Variants in SLC10A7 observed in about 807,000 individuals in gnomAD.
SLC10A7 encodes the protein solute carrier family 10 member 7, also known as sodium/bile acid cotransporter 7.
SLC10A7 carries 29 observed loss-of-function variants against 43.2 expected under a neutral mutation model. The ratio of observed to expected loss-of-function variants is 0.67; its 90% CI spans 0.50 to 0.92. SLC10A7 has a LOEUF of 0.92. Among genes scored for constraint, SLC10A7 ranks in the 40% least tolerant of loss-of-function variants. The probability of loss-of-function intolerance (pLI) is 0.00; values close to 1 mark genes in which losing one functional copy is unlikely to be tolerated. For missense variants in SLC10A7, 295 were observed against 403.2 expected (o/e 0.73, Z 2.30); for synonymous variants, 152 against 144.8 (o/e 1.05, Z -0.35).
chr4:146,326,955 CA>C (rs1733165676), intron 5 of SLC10A7, among the ~76,000 whole-genome samples: 2 of 96,448 alleles, frequency 2.1e-5, no homozygotes, highest in Non-Finnish European at 3.8e-5. Context: ...CACACACACA[CA>C]CACACACACA....
chr4:146,313,838 A>G (rs920336162), intron 6 of SLC10A7, among the ~76,000 whole-genome samples: 6 of 152,124 alleles, frequency 3.9e-5, no homozygotes, highest in African/African-American at 1.2e-4. Flanking sequence ...TTAGCAGTCA[A>G]TTTCTTCTCT....
chr4:146,313,508 G>A (rs988388364), intron 6 of SLC10A7, among the ~76,000 whole-genome samples: 2 of 152,120 alleles, frequency 1.3e-5, no homozygotes, highest in Non-Finnish European at 2.9e-5. Flanking sequence ...TGAAGCAACT[G>A]AGACAATCAG....
At chr4:146,479,289 A>G (rs891843532) in intron 4 of SLC10A7, among the ~76,000 whole-genome samples, 2 of 152,216 alleles carry the variant, frequency 1.3e-5, no homozygotes, top group Non-Finnish European at 2.9e-5. Context: ...CAAAGCATAT[A>G]GCTATATTGT....
intron 4 of SLC10A7, among the ~76,000 whole-genome samples, chr4:146,450,027 C>T (rs781143118): frequency 9.9e-5 from 15 of 151,984 alleles, no homozygotes; most frequent in Non-Finnish European, 2.2e-4. Context: ...GGTATATAAT[C>T]CTTACATTCA....
intron 5 of SLC10A7, among the ~76,000 whole-genome samples, chr4:146,351,140 T>A (rs1052045230): frequency 3.5e-4 from 53 of 150,586 alleles, no homozygotes; most frequent in Admixed American, 6.6e-4. Context: ...TTGAAAAAAA[T>A]TTAGAAGAAT....
At chr4:146,506,480 G>A (rs1343773143) in intron 3 of SLC10A7, among the ~76,000 whole-genome samples, 1 of 152,076 alleles carries the variant, frequency 6.6e-6, no homozygotes, top group Non-Finnish European at 1.5e-5. Flanking sequence ...ACTCACTTTT[G>A]ACCTTTAAAG....
intron 5 of SLC10A7, chr4:146,442,271 T>A (rs1319687546): frequency 1.1e-5 from 11 of 975,088 alleles, no homozygotes; most frequent in Non-Finnish European, 1.2e-5. Context: ...AACATTTACT[T>A]GCAAATTACT....
At chr4:146,356,067 T>TATAC (rs1560830035) in intron 5 of SLC10A7, among the ~76,000 whole-genome samples, 2 of 143,354 alleles carry the variant, frequency 1.4e-5, no homozygotes, top group Non-Finnish European at 3.1e-5. Flanking sequence ...TATATATATA[T>TATAC]ACATATATAT....
chr4:146,381,352 A>G (rs1015642529), intron 5 of SLC10A7, among the ~76,000 whole-genome samples: 1 of 151,914 alleles, frequency 6.6e-6, no homozygotes, highest in African/African-American at 2.4e-5. Context: ...CTGTTTAGGA[A>G]CCCTCCCCTC....
intron 5 of SLC10A7, among the ~76,000 whole-genome samples, chr4:146,431,938 T>C (rs1729808338): frequency 6.6e-6 from 1 of 152,190 alleles, no homozygotes; most frequent in Non-Finnish European, 1.5e-5. Context: ...AACTTGCACC[T>C]AATTATAAGA....
chr4:146,363,388 G>A (rs1736184647), intron 5 of SLC10A7, among the ~76,000 whole-genome samples: 1 of 152,056 alleles, frequency 6.6e-6, no homozygotes, highest in Non-Finnish European at 1.5e-5. Context: ...GCTAAAGAGA[G>A]AGAGAGACCC....
intron 5 of SLC10A7, among the ~76,000 whole-genome samples, chr4:146,419,973 A>G (rs73852843): frequency 0.017 from 2,569 of 152,310 alleles, 83 homozygotes; most frequent in African/African-American, 0.059. Context: ...CATAATGAAT[A>G]CTAACGAACA....
At chr4:146,473,891 A>G (rs1733809819) in intron 4 of SLC10A7, among the ~76,000 whole-genome samples, 1 of 152,092 alleles carries the variant, frequency 6.6e-6, no homozygotes, top group Non-Finnish European at 1.5e-5. Flanking sequence ...ATACATTCTA[A>G]TAATTAACCA....
At chr4:146,351,536 G>A (rs1355484123) in intron 5 of SLC10A7, among the ~76,000 whole-genome samples, 1 of 149,674 alleles carries the variant, frequency 6.7e-6, no homozygotes, top group Admixed American at 6.6e-5. Context: ...TACAGAGAAT[G>A]CCACAAAGAT....
At chr4:146,314,524 GATAGA>G (rs1732192592) in intron 6 of SLC10A7, among the ~76,000 whole-genome samples, 1 of 152,144 alleles carries the variant, frequency 6.6e-6, no homozygotes, top group African/African-American at 2.4e-5. Context: ...AAAACCAGTT[GATAGA>G]ATAGAAGAGC....
At chr4:146,362,844 A>C (rs1353049025) in intron 5 of SLC10A7, among the ~76,000 whole-genome samples, 3 of 152,094 alleles carry the variant, frequency 2.0e-5, no homozygotes, top group African/African-American at 7.2e-5. Flanking sequence ...CTAAACACAA[A>C]GCAAAAATCT....
chr4:146,364,140 A>C, intron 5 of SLC10A7, among the ~76,000 whole-genome samples: 1 of 138,686 alleles, frequency 7.2e-6, no homozygotes, highest in East Asian at 2.2e-4. Context: ...ACCAAAATAA[A>C]TAAGAGACAA....
intron 5 of SLC10A7, among the ~76,000 whole-genome samples, chr4:146,438,267 G>C (rs1368982517): frequency 6.6e-6 from 1 of 151,972 alleles, no homozygotes; most frequent in Admixed American, 6.6e-5. Flanking sequence ...TTTAATCTTT[G>C]ATCTGGCATG....
At chr4:146,482,405 C>T (rs879119051) in intron 4 of SLC10A7, among the ~76,000 whole-genome samples, 4 of 151,882 alleles carry the variant, frequency 2.6e-5, no homozygotes, top group Non-Finnish European at 5.9e-5. Flanking sequence ...ATAACAAATT[C>T]ATAAAGAAAT....
Sources: allele counts gnomAD v4.1 joint callset (sites outside exome capture counted in the v4.1 genomes callset), GRCh38; gene constraint gnomAD v4.1.1; transcripts MANE v1.5; gene names NCBI Gene and HGNC (gene_info 2026-07-23, HGNC 2026-07-21).